PACRG: variants seen among roughly 807,000 people sequenced by gnomAD.
The protein encoded by PACRG is parkin coregulated gene protein.
A neutral mutation model predicts 29.7 loss-of-function variants in PACRG; 29 were observed. The ratio of observed to expected loss-of-function variants is 0.98; its 90% confidence interval spans 0.73 to 1.33. The LOEUF (loss-of-function observed/expected upper bound fraction) is 1.33. Ranked by LOEUF, PACRG falls within the 40% of genes most tolerant of loss-of-function variation. The pLI, the probability that PACRG is intolerant of heterozygous loss-of-function variation, is 0.00. For synonymous variants in PACRG, 116 were observed against 118.7 expected, an observed-to-expected ratio of 0.98 and a Z score of 0.15; for missense variants, 279 against 316.2, an observed-to-expected ratio of 0.88 and a Z score of 0.89.
At chr6:162,921,387 C>T (rs544653089) in intron 2 of PACRG, among the ~76,000 whole-genome samples, 15 of 152,302 alleles carry the variant, frequency 9.8e-5, no homozygotes, top group African/African-American at 3.6e-4. Context: ...TACTGAAAGC[C>T]TCACTATATC....
At chr6:162,727,524 G>C, upstream of PACRG, 1 of 975,142 alleles carries the variant, frequency 1.0e-6, no homozygotes. Context: ...CGGCGGCGCG[G>C]GCCGGGGACG....
At chr6:162,816,673 A>G (rs771643811) in intron 2 of PACRG, among the ~76,000 whole-genome samples, 8 of 152,140 alleles carry the variant, frequency 5.3e-5, no homozygotes, top group Non-Finnish European at 1.0e-4. Context: ...ATTGTTAAAC[A>G]TAGGCTTGGG....
At chr6:163,218,723 C>T (rs1400487464) in intron 4 of PACRG, among the ~76,000 whole-genome samples, 1 of 152,340 alleles carries the variant, frequency 6.6e-6, no homozygotes, top group Admixed American at 6.5e-5. Context: ...ACAGGTCGCT[C>T]CCTCATCTCC....
chr6:163,196,403 C>T (rs572769293), intron 4 of PACRG, among the ~76,000 whole-genome samples: 13 of 152,212 alleles, frequency 8.5e-5, no homozygotes, highest in Non-Finnish European at 1.9e-4. Flanking sequence ...CTACTGGGAG[C>T]CTTACCTGTG....
intron 1 of PACRG, among the ~76,000 whole-genome samples, chr6:162,748,988 C>T (rs1004756203): frequency 2.0e-5 from 3 of 152,168 alleles, no homozygotes; most frequent in Admixed American, 6.6e-5. Context: ...CTTTTACTAT[C>T]AATGAGTTTG....
intron 4 of PACRG, among the ~76,000 whole-genome samples, chr6:163,192,951 T>C (rs1272767517): frequency 6.6e-6 from 1 of 152,216 alleles, no homozygotes; most frequent in Non-Finnish European, 1.5e-5. Context: ...CCGATACTTC[T>C]TACCATTCTA....
chr6:163,128,211 A>C (rs1366913782), intron 4 of PACRG, among the ~76,000 whole-genome samples: 1 of 152,230 alleles, frequency 6.6e-6, no homozygotes, highest in Non-Finnish European at 1.5e-5. Flanking sequence ...TCTTTGGAAC[A>C]AGAAGCAGGG....
intron 4 of PACRG, chr6:163,310,015 G>C (rs980895705): frequency 2.0e-5 from 3 of 152,164 alleles, no homozygotes; most frequent in African/African-American, 7.2e-5. Flanking sequence ...ACATTTATTT[G>C]TTTAATTTTT....
intron 3 of PACRG, among the ~76,000 whole-genome samples, chr6:163,063,542 T>A (rs909886657): frequency 6.6e-6 from 1 of 152,242 alleles, no homozygotes; most frequent in African/African-American, 2.4e-5. Context: ...AAGGTCACCA[T>A]TTTTATTCAT....
intron 4 of PACRG, among the ~76,000 whole-genome samples, chr6:163,135,610 ATCT>A (rs1240653134): frequency 2.0e-5 from 3 of 152,200 alleles, no homozygotes; most frequent in Admixed American, 1.3e-4. Flanking sequence ...GATTCGGGAA[ATCT>A]TCTTCCGCAT....
chr6:162,956,100 C>G (rs1337707884), intron 2 of PACRG, among the ~76,000 whole-genome samples: 1 of 152,192 alleles, frequency 6.6e-6, no homozygotes, highest in Non-Finnish European at 1.5e-5. Context: ...CTCTCCAAAG[C>G]AACCATGACT....
intron 4 of PACRG, among the ~76,000 whole-genome samples, chr6:163,187,129 T>C (rs1192791205): frequency 6.6e-6 from 1 of 152,224 alleles, no homozygotes; most frequent in Non-Finnish European, 1.5e-5. Context: ...TCTGTTTTCC[T>C]CTGAACACCA....
intron 1 of PACRG, among the ~76,000 whole-genome samples, chr6:162,788,980 G>T (rs1042740029): frequency 6.6e-6 from 1 of 152,048 alleles, no homozygotes; most frequent in Admixed American, 6.6e-5. Flanking sequence ...AAGAAGAAAA[G>T]CTTCCCTGAT....
intron 4 of PACRG, among the ~76,000 whole-genome samples, chr6:163,280,808 G>A (rs1025170723): frequency 3.3e-5 from 5 of 152,064 alleles, no homozygotes; most frequent in Non-Finnish European, 4.4e-5. Context: ...ATCTGACCTC[G>A]TTTGGACTTA....
At position 163,207,661 on chromosome 6, in the gene PACRG, G is replaced by A. The variant is rs546256874; in HGVS notation, c.614-107166G>A. Among the ~76,000 whole-genome samples the A allele has an allele frequency of 3.3e-5, 5 of 152,278 alleles. No homozygotes were observed. The East Asian group carries it at 9.7e-4, about 29-fold the overall frequency. On this transcript the variant is annotated intron_variant, in intron 4 of 4. Transcript: ENST00000366888. ...CTTCACACTTAACGCCCAGCACTCA[G>A]CGTGTGCCCAGATAGAATGGAGGCA... is the stretch of plus-strand genomic sequence containing the variant.
intron 2 of PACRG, among the ~76,000 whole-genome samples, chr6:162,987,140 G>A (rs962448766): frequency 1.3e-5 from 2 of 151,814 alleles, no homozygotes; most frequent in African/African-American, 4.8e-5. Context: ...TTCTTCTTTG[G>A]GTAGACTACT....
intron 1 of PACRG, among the ~76,000 whole-genome samples, chr6:162,793,309 T>C (rs2128329607): frequency 6.6e-6 from 1 of 152,362 alleles, no homozygotes; most frequent in East Asian, 1.9e-4. Context: ...AGGGATTCTC[T>C]AGGGAACATG....
chr6:163,115,654 G>A (rs1052645945), intron 4 of PACRG, among the ~76,000 whole-genome samples: 5 of 152,080 alleles, frequency 3.3e-5, no homozygotes, highest in Admixed American at 2.6e-4. Flanking sequence ...AGCAGGACGA[G>A]GCTGCGATTG....
intron 4 of PACRG, among the ~76,000 whole-genome samples, chr6:163,091,372 A>T (rs916517420): frequency 3.3e-5 from 5 of 152,228 alleles, no homozygotes; most frequent in African/African-American, 1.2e-4. Context: ...TAACAAAGAA[A>T]ATTATTGACT....
Sources: allele counts gnomAD v4.1 joint callset (sites outside exome capture counted in the v4.1 genomes callset), GRCh38; gene constraint gnomAD v4.1.1; transcripts MANE v1.5; gene names NCBI Gene and HGNC (gene_info 2026-07-23, HGNC 2026-07-21).